The following PPM1D variants were observed in gnomAD, a reference collection of about 807,000 sequenced individuals.
The protein encoded by PPM1D is protein phosphatase, Mg2+/Mn2+ dependent 1D, also known as protein phosphatase 1D.
PPM1D carries 52 observed loss-of-function variants against 58.3 expected under a neutral mutation model. The ratio of observed to expected loss-of-function variants is 0.89; its 90% CI spans 0.71 to 1.12. PPM1D has a LOEUF of 1.12. PPM1D is among the 50% of genes most tolerant of loss of function. The pLI is 0.00. For missense variants in PPM1D, 564 were observed against 777.2 expected (o/e 0.73, Z 3.26); for synonymous variants, 278 against 285.1 (o/e 0.98, Z 0.25).
In PPM1D at chr17:60,656,819, C is replaced by T; in HGVS notation, c.1238C>T (p.Pro413Leu). ...GAAACCTGTGTGATGACTCCTTCCC[C>T]ATGTTCTACACCACCAGTCAAGGTA... Reference protein sequence around the residue: ...SQETCVMTPSPCSTPPVKSLE... With the variant: ...SQETCVMTPSLCSTPPVKSLE... The change falls in exon 5 of 6, where the codon CCA becomes CTA. Residue 413 changes from proline (P) to leucine (L), a missense_variant. Around this residue, in one of 7 missense-constraint regions of PPM1D, gnomAD observed 261 missense variants for 270.1 expected, o/e 0.97. Transcript: ENST00000305921. The T allele has an allele frequency of 6.2e-7, 1 of 1,614,172 alleles. No homozygotes were observed.
Position 60,663,508 on chromosome 17 carries a change from A to G in PPM1D, c.1774A>G (p.Asn592Asp). Reference protein sequence around the residue: ...RRLRGQKKIGNPLLHQHRKTV... With the variant: ...RRLRGQKKIGDPLLHQHRKTV... ...ACTTAGGGGCCAGAAGAAAATTGGA[A>G]ATCCTTTACTTCATCAACACAGGAA... The change falls in exon 6 of 6, where the codon AAT becomes GAT. Residue 592 changes from asparagine to aspartate, a missense_variant. Coordinates refer to ENST00000305921, the MANE Select transcript of PPM1D (RefSeq NM_003620.4). 3.7e-6 allele frequency: 6 copies of G among 1,612,506 alleles called. No homozygotes were observed. Among genetic ancestry groups the G allele is most frequent in the Non-Finnish European group, 5.1e-6 (6 of 1,180,014 alleles).
At chr17:60,657,284 TTGTC>T (rs2031458865) in intron 5 of PPM1D, among the ~76,000 whole-genome samples, 1 of 152,128 alleles carries the variant, frequency 6.6e-6, no homozygotes, top group African/African-American at 2.4e-5. Flanking sequence ...TTACAACTGG[TTGTC>T]TGTTAACTCG....
rs148186612 is a variant in PPM1D at position 60,628,701 on chromosome 17, T to C, written c.701+4952T>C. Among the ~76,000 whole-genome samples the C allele has an allele frequency of 1.4e-4, 21 of 152,330 alleles. No homozygotes were observed. The East Asian group carries it at 3.9e-3, about 28-fold the overall frequency. ...ACAGATCTTGCAAATATTGACACTT[T>C]TTATTATACTATATAATATCCAGTC... is the stretch of plus-strand genomic sequence containing the variant. On this transcript the variant is annotated intron_variant, in intron 2 of 5. Coordinates refer to ENST00000305921, the MANE Select transcript of PPM1D (RefSeq NM_003620.4).
At chr17:60,615,675 C>CTT (rs746657008) in intron 1 of PPM1D, among the ~76,000 whole-genome samples, 103 of 124,834 alleles carry the variant, frequency 8.3e-4, no homozygotes, top group African/African-American at 2.5e-3. Context: ...TTTCTTTTTA[C>CTT]TTTTTTTTTT....
At chr17:60,623,101 C>T (rs1420870362) in intron 1 of PPM1D, among the ~76,000 whole-genome samples, 2 of 152,048 alleles carry the variant, frequency 1.3e-5, no homozygotes, top group African/African-American at 4.8e-5. Flanking sequence ...AAACAAGTAG[C>T]TTTTTCAGAA....
chr17:60,646,790 T>C (rs1159680984), intron 3 of PPM1D, among the ~76,000 whole-genome samples: 1 of 152,232 alleles, frequency 6.6e-6, no homozygotes, highest in Non-Finnish European at 1.5e-5. Context: ...ATTGTTTTTA[T>C]GTGGAGCTAA....
chr17:60,619,110 C>T (rs1357685360), intron 1 of PPM1D, among the ~76,000 whole-genome samples: 1 of 152,104 alleles, frequency 6.6e-6, no homozygotes, highest in Non-Finnish European at 1.5e-5. Context: ...CTTTAGATTC[C>T]ACGTATAAGT....
At chr17:60,606,608 T>A (rs2030334811) in intron 1 of PPM1D, among the ~76,000 whole-genome samples, 1 of 152,222 alleles carries the variant, frequency 6.6e-6, no homozygotes, top group African/African-American at 2.4e-5. Context: ...TCTTACATTT[T>A]AAAATTATAG....
intron 3 of PPM1D, among the ~76,000 whole-genome samples, chr17:60,646,033 G>T (rs2031245518): frequency 6.6e-6 from 1 of 152,086 alleles, no homozygotes; most frequent in Non-Finnish European, 1.5e-5. Context: ...CCATCTACTT[G>T]AGAGGTTGAC....
intron 3 of PPM1D, among the ~76,000 whole-genome samples, chr17:60,640,715 C>T (rs1185881933): frequency 6.6e-6 from 1 of 152,090 alleles, no homozygotes; most frequent in Non-Finnish European, 1.5e-5. Context: ...TAGTGGTCCC[C>T]AGTGTCTATT....
At chr17:60,649,579 C>T (rs2031307531) in intron 4 of PPM1D, among the ~76,000 whole-genome samples, 1 of 151,986 alleles carries the variant, frequency 6.6e-6, no homozygotes, top group African/African-American at 2.4e-5. Context: ...GTCCCAGCTA[C>T]TTAGGAGGCT....
chr17:60,656,844 A>G lies in PPM1D; in HGVS notation c.1260+3A>G. 1.2e-6 allele frequency: 2 copies of G among 1,613,890 alleles called. No individual in the cohort carries two copies. Among genetic ancestry groups the G allele is most frequent in the Non-Finnish European group, 1.7e-6 (2 of 1,179,880 alleles). On this transcript the variant is annotated splice_donor_region_variant and intron_variant, in intron 5 of 5. Coordinates refer to ENST00000305921, the MANE Select transcript of PPM1D (RefSeq NM_003620.4). ...CATGTTCTACACCACCAGTCAAGGTATATAGTTCCATAGTTTTTAAGTTAT... is the reference window on the plus strand; with the variant it reads ...CATGTTCTACACCACCAGTCAAGGTGTATAGTTCCATAGTTTTTAAGTTAT...
intron 1 of PPM1D, among the ~76,000 whole-genome samples, chr17:60,605,374 G>A (rs1296753371): frequency 1.3e-5 from 2 of 152,206 alleles, no homozygotes; most frequent in Non-Finnish European, 2.9e-5. Context: ...ATGCTAGTCT[G>A]CTATAGTATC....
At position 60,600,651 on chromosome 17, in the gene PPM1D, C is replaced by G. The variant is rs2030187188; in HGVS notation, c.237C>G (p.Leu79=). 6.5e-7 allele frequency: 1 copy of G among 1,550,146 alleles called. No homozygotes were observed. The highest frequency in any genetic ancestry group is 8.7e-7 in the Non-Finnish European group (1 of 1,151,596). ...CAGCCCGAGAGGCTCGCGACCCTCT[C>G]CCGGACGCCGGGGCCTCGCCGGCAC... ...AVAAREARDP[L]PDAGASPAPS... Residue 79 remains leucine (L), a synonymous_variant, in exon 1 of 6, where the codon CTC becomes CTG. Transcript: ENST00000305921.
rs756806603 is a variant in PPM1D, at chr17:60,663,136, T to C, written c.1402T>C (p.Ser468Pro). The stretch of plus-strand genomic sequence containing the variant: ...GAATGTCCAAGGTGTAGTCATACCC[T>C]CAAAAGATCCAGAACCACTTGAAGA... ...RENVQGVVIP[S>P]KDPEPLEENC... is the part of the protein sequence containing the mutation. Residue 468 changes from serine to proline, a missense_variant, in exon 6 of 6, where the codon TCA becomes CCA. Ser to Pro is a moderately conservative substitution (Grantham distance 74). This residue lies in a region of PPM1D where 261 missense variants were observed against 270.1 expected (regional missense o/e 0.97). Coordinates refer to ENST00000305921, the MANE Select transcript of PPM1D (RefSeq NM_003620.4). 1 of 1,614,120 alleles carries C rather than the reference T, an allele frequency of 6.2e-7. No homozygotes were observed. The highest frequency in any genetic ancestry group is 1.7e-5 in the Admixed American group (1 of 60,006).
chr17:60,609,258 T>C (rs998945054), intron 1 of PPM1D, among the ~76,000 whole-genome samples: 3 of 151,786 alleles, frequency 2.0e-5, no homozygotes, highest in African/African-American at 7.3e-5. Flanking sequence ...CACGCCCAGC[T>C]AATTTTTTGT....
chr17:60,644,907 T>TTG (rs1275905810), intron 3 of PPM1D, among the ~76,000 whole-genome samples: 1 of 152,146 alleles, frequency 6.6e-6, no homozygotes, highest in African/African-American at 2.4e-5. Context: ...CAAACTGTGT[T>TTG]TAAGATTTAT....
intron 1 of PPM1D, among the ~76,000 whole-genome samples, chr17:60,614,494 C>T (rs1340603648): frequency 1.3e-5 from 2 of 152,156 alleles, no homozygotes; most frequent in Non-Finnish European, 2.9e-5. Context: ...CTAATCAGCT[C>T]TCTGTAAAAT....
chr17:60,626,447 T>C (rs1296822001), intron 2 of PPM1D, among the ~76,000 whole-genome samples: 3 of 151,074 alleles, frequency 2.0e-5, no homozygotes, highest in African/African-American at 7.3e-5. Flanking sequence ...CAGGCTGGAG[T>C]GCAGTGGCGC....
Sources: allele counts gnomAD v4.1 joint callset (sites outside exome capture counted in the v4.1 genomes callset), GRCh38; gene constraint gnomAD v4.1.1; regional missense constraint gnomAD v4.1.1; transcripts MANE v1.5; gene names NCBI Gene and HGNC (gene_info 2026-07-23, HGNC 2026-07-21).